Variants in SCGB2B2 observed in about 807,000 individuals in gnomAD.
The protein encoded by SCGB2B2 is secretoglobin-like protein.
In SCGB2B2, 11 loss-of-function variants were observed where a neutral mutation model predicts 7.6. That is an observed-to-expected ratio of 1.45 (90% CI 0.91 to 2.40). The LOEUF (loss-of-function observed/expected upper bound fraction) is 2.40. Ranked by LOEUF, SCGB2B2 falls within the 30% of genes most tolerant of loss-of-function variation. The pLI is 0.00. For missense variants in SCGB2B2, 104 were observed against 115.4 expected (o/e 0.90, Z 0.45); for synonymous variants, 50 against 48.6 (o/e 1.03, Z -0.12).
intron 1 of SCGB2B2, among the ~76,000 whole-genome samples, chr19:34,605,232 G>T (rs1337173199): frequency 1.3e-5 from 2 of 152,166 alleles, no homozygotes; most frequent in Non-Finnish European, 2.9e-5. Flanking sequence ...AGTCTTAAAT[G>T]TTAAAAAATT....
intron 1 of SCGB2B2, among the ~76,000 whole-genome samples, chr19:34,629,378 C>T (rs565228363): frequency 6.6e-6 from 1 of 152,168 alleles, no homozygotes; most frequent in South Asian, 2.1e-4. Flanking sequence ...ACCCCATCGT[C>T]TCAGCCCAAA....
intron 1 of SCGB2B2, among the ~76,000 whole-genome samples, chr19:34,599,691 A>G (rs533095764): frequency 3.3e-5 from 5 of 152,076 alleles, no homozygotes; most frequent in Admixed American, 6.5e-5. Context: ...GAGCCAAACC[A>G]TATCACCATC....
At chr19:34,622,106 A>G (rs1192164638) in intron 1 of SCGB2B2, among the ~76,000 whole-genome samples, 1 of 152,214 alleles carries the variant, frequency 6.6e-6, no homozygotes, top group Admixed American at 6.5e-5. Context: ...CACTGACACC[A>G]GTAAAGCCAC....
At chr19:34,599,856 AATC>A (rs1159300955) in intron 1 of SCGB2B2, among the ~76,000 whole-genome samples, 1 of 151,750 alleles carries the variant, frequency 6.6e-6, no homozygotes, top group Non-Finnish European at 1.5e-5. Flanking sequence ...CCTGACCTCT[AATC>A]ATCTTTTTAT....
At chr19:34,627,807 A>G (rs949329466) in intron 1 of SCGB2B2, among the ~76,000 whole-genome samples, 14 of 152,208 alleles carry the variant, frequency 9.2e-5, no homozygotes, top group Admixed American at 8.5e-4. Context: ...CCCCAAATCA[A>G]CAGAATATAC....
At chr19:34,606,131 A>ATTT (rs746047457) in intron 1 of SCGB2B2, among the ~76,000 whole-genome samples, 1 of 151,952 alleles carries the variant, frequency 6.6e-6, no homozygotes, top group Non-Finnish European at 1.5e-5. Flanking sequence ...TTTTTAAAAA[A>ATTT]TTTTACATAG....
intron 1 of SCGB2B2, among the ~76,000 whole-genome samples, chr19:34,600,918 G>GGTGTGTGTGT (rs59535318): frequency 1.6e-4 from 24 of 150,008 alleles, no homozygotes; most frequent in Non-Finnish European, 3.1e-4. Context: ...CTCGGGGTGT[G>GGTGTGTGTGT]GTGTGTGTGT....
chr19:34,675,211 T>A (rs560807187), intron 1 of SCGB2B2, among the ~76,000 whole-genome samples: 1 of 152,240 alleles, frequency 6.6e-6, no homozygotes, highest in South Asian at 2.1e-4. Context: ...CTGGTAGGAG[T>A]GAAAATTGGT....
chr19:34,645,899 G>T, intron 1 of SCGB2B2: 1 of 250,096 alleles, frequency 4.0e-6, no homozygotes, highest in Non-Finnish European at 8.1e-6. Context: ...ATGCCTGCCT[G>T]GATTTCTATA....
intron 1 of SCGB2B2, among the ~76,000 whole-genome samples, chr19:34,600,918 GGTGTGTGT>G (rs59535318): frequency 0.029 from 4,364 of 150,106 alleles, 220 homozygotes; most frequent in African/African-American, 0.1. Flanking sequence ...CTCGGGGTGT[GGTGTGTGT>G]GTGTGTGTGT....
intron 1 of SCGB2B2, among the ~76,000 whole-genome samples, chr19:34,668,049 C>G (rs1399355577): frequency 6.6e-6 from 1 of 152,248 alleles, no homozygotes; most frequent in Non-Finnish European, 1.5e-5. Context: ...TCGCAGCCCT[C>G]GCTCTCTCTC....
chr19:34,637,031 GAGCCTCAGAAGAAGATCCCATAGGAAC>G (rs1234255861), intron 1 of SCGB2B2, among the ~76,000 whole-genome samples: 1 of 152,160 alleles, frequency 6.6e-6, no homozygotes, highest in East Asian at 1.9e-4. Context: ...ATTACAAAAA[GAGCCTCAGAAGAAGATCCCATAGGAAC>G]AGCCCAGTGG....
intron 1 of SCGB2B2, among the ~76,000 whole-genome samples, chr19:34,615,823 CTCCCAA>C (rs1405273952): frequency 6.6e-6 from 1 of 150,588 alleles, no homozygotes; most frequent in Non-Finnish European, 1.5e-5. Context: ...TTAGGTATAT[CTCCCAA>C]TGCTATCCCT....
chr19:34,615,591 G>A (rs1564202), intron 1 of SCGB2B2, among the ~76,000 whole-genome samples: 12,936 of 152,052 alleles, frequency 0.085, 695 homozygotes, highest in East Asian at 0.28. Flanking sequence ...GAAGCAATAA[G>A]AGCTTCTAGT....
rs1435894076 is a variant in SCGB2B2 at position 34,676,308 on chromosome 19, A to G, written c.-2710T>C. On this transcript the variant is annotated 5_prime_UTR_variant, in exon 1 of 4. Coordinates refer to ENST00000601241, the MANE Select transcript of SCGB2B2 (RefSeq NM_001025591.4). ...TGGCTTCACCTCTCGGTTATATGCTAATTATATGCATTAGCACGCTAAGAG... is the reference window on the plus strand; with the variant it reads ...TGGCTTCACCTCTCGGTTATATGCTGATTATATGCATTAGCACGCTAAGAG... The G allele has an allele frequency of 1.3e-5, 2 of 152,200 alleles. No individual in the cohort carries two copies. The highest frequency in any genetic ancestry group is 2.9e-5 in the Non-Finnish European group (2 of 68,042). The allele number at this position is 152,200 out of a possible 1,614,324, so 9.4% of individuals were successfully genotyped here.
chr19:34,636,232 C>G (rs2066674019), intron 1 of SCGB2B2, among the ~76,000 whole-genome samples: 1 of 152,186 alleles, frequency 6.6e-6, no homozygotes, highest in South Asian at 2.1e-4. Flanking sequence ...AGAGGCAGCC[C>G]TATCACAGTG....
intron 1 of SCGB2B2, among the ~76,000 whole-genome samples, chr19:34,603,802 T>C (rs1391730041): frequency 2.7e-5 from 4 of 149,690 alleles, no homozygotes; most frequent in Non-Finnish European, 5.9e-5. Flanking sequence ...TTACTTTTTT[T>C]TTTTTTTTTT....
chr19:34,617,293 G>T (rs111281062), intron 1 of SCGB2B2, among the ~76,000 whole-genome samples: 2 of 116,046 alleles, frequency 1.7e-5, no homozygotes, highest in Admixed American at 8.2e-5. Context: ...CCATTTTCAC[G>T]ACATTGATTC....
chr19:34,596,833 G>A (rs1435098878), intron 1 of SCGB2B2, among the ~76,000 whole-genome samples: 2 of 152,074 alleles, frequency 1.3e-5, no homozygotes, highest in South Asian at 2.1e-4. Flanking sequence ...TCAGGGAATA[G>A]AGGACCTGGG....
Sources: gnomAD v4.1 joint callset for allele counts (sites outside exome capture counted in the v4.1 genomes callset) on GRCh38, gnomAD v4.1.1 for gene constraint, MANE v1.5 for transcripts, NCBI Gene and HGNC (gene_info 2026-07-23, HGNC 2026-07-21) for gene names.